GATAD2B: variants seen among roughly 807,000 people sequenced by gnomAD.
The protein encoded by GATAD2B is transcriptional repressor p66-beta.
Under a neutral mutation model 64.3 loss-of-function variants are expected in GATAD2B, and 8 were observed. The ratio of observed to expected loss-of-function variants is 0.12; its 90% confidence interval spans 0.07 to 0.22. The LOEUF is 0.22. GATAD2B is among the 10% of genes least tolerant of loss of function. The pLI is 1.00. For synonymous variants in GATAD2B, 281 were observed against 271.3 expected, an observed-to-expected ratio of 1.04 and a Z score of -0.35; for missense variants, 453 against 752.0, an observed-to-expected ratio of 0.60 and a Z score of 4.65.
chr1:153,910,613 A>C (rs1678086030), intron 1 of GATAD2B, among the ~76,000 whole-genome samples: 1 of 151,856 alleles, frequency 6.6e-6, no homozygotes, highest in Non-Finnish European at 1.5e-5. Flanking sequence ...GGTGGCGAGC[A>C]CCTGTAATTC....
chr1:153,849,322 C>T (rs1675804861), intron 1 of GATAD2B, among the ~76,000 whole-genome samples: 1 of 152,162 alleles, frequency 6.6e-6, no homozygotes, highest in Admixed American at 6.5e-5. Flanking sequence ...TTAATCCCAC[C>T]CATGAGGGTA....
At chr1:153,820,928 G>A (rs917145668) in intron 2 of GATAD2B, among the ~76,000 whole-genome samples, 1 of 146,784 alleles carries the variant, frequency 6.8e-6, no homozygotes, top group Non-Finnish European at 1.5e-5. Flanking sequence ...ATCGCTAGCT[G>A]TCCACTTCTC....
At chr1:153,847,783 ATC>A (rs1400237856) in intron 1 of GATAD2B, among the ~76,000 whole-genome samples, 8 of 151,800 alleles carry the variant, frequency 5.3e-5, no homozygotes, top group African/African-American at 1.5e-4. Context: ...TCCATGTCTC[ATC>A]TCTTTTTTTC....
In GATAD2B at chr1:153,909,983, C is replaced by T. The variant is rs544773542; in HGVS notation, c.-2+12750G>A. Among the ~76,000 whole-genome samples, 4 of 149,644 alleles carry T rather than the reference C, an allele frequency of 2.7e-5. No individual in the cohort carries two copies. In the South Asian group the frequency reaches 8.4e-4, roughly 32 times the overall value. ...AAAAAAAATTAGCTGGGCATGGTGG[C>T]GCATGCCTGTAGTTCCAGCCACTCA... On this transcript the variant is annotated intron_variant, in intron 1 of 10. Coordinates refer to ENST00000368655, the MANE Select transcript of GATAD2B (RefSeq NM_020699.4).
At chr1:153,864,894 C>A (rs1482536371) in intron 1 of GATAD2B, among the ~76,000 whole-genome samples, 1 of 151,682 alleles carries the variant, frequency 6.6e-6, no homozygotes, top group Non-Finnish European at 1.5e-5. Context: ...CATAGTGAAA[C>A]CCTGTCTCCA....
chr1:153,901,856 T>TAAA (rs59672637), intron 1 of GATAD2B, among the ~76,000 whole-genome samples: 44,028 of 142,134 alleles, frequency 0.31, 7,248 homozygotes, highest in Admixed American at 0.4. Flanking sequence ...AATAAATAAA[T>TAAA]TAAATAAAAT....
At chr1:153,883,225 C>CA (rs1677062236) in intron 1 of GATAD2B, among the ~76,000 whole-genome samples, 1 of 152,098 alleles carries the variant, frequency 6.6e-6, no homozygotes, top group Non-Finnish European at 1.5e-5. Context: ...TCACCCTACG[C>CA]AAAAATATTA....
At chr1:153,849,500 C>G (rs1197947378) in intron 1 of GATAD2B, among the ~76,000 whole-genome samples, 1 of 152,216 alleles carries the variant, frequency 6.6e-6, no homozygotes, top group Non-Finnish European at 1.5e-5. Flanking sequence ...CCTACTGTTA[C>G]ACATCTTAGC....
chr1:153,840,985 C>G (rs1249781367), intron 1 of GATAD2B, among the ~76,000 whole-genome samples: 4 of 151,756 alleles, frequency 2.6e-5, no homozygotes, highest in African/African-American at 9.7e-5. Flanking sequence ...GTTAGCCGGG[C>G]GTGGTGGCAT....
intron 1 of GATAD2B, among the ~76,000 whole-genome samples, chr1:153,842,366 G>A (rs1675526759): frequency 6.6e-6 from 1 of 152,028 alleles, no homozygotes; most frequent in African/African-American, 2.4e-5. Flanking sequence ...ATGTATTTTA[G>A]ATACTAGTTG....
At chr1:153,915,967 C>T (rs563465567) in intron 1 of GATAD2B, among the ~76,000 whole-genome samples, 46 of 152,022 alleles carry the variant, frequency 3.0e-4, no homozygotes, top group African/African-American at 1.1e-3. Context: ...TTTGAAGGCA[C>T]GATGATAGAG....
At chr1:153,826,804 G>C (rs1166624337) in intron 2 of GATAD2B, among the ~76,000 whole-genome samples, 1 of 151,882 alleles carries the variant, frequency 6.6e-6, no homozygotes, top group African/African-American at 2.4e-5. Context: ...AGCTGGGTGT[G>C]ATGATGCACA....
At chr1:153,851,117 C>G (rs1165816208) in intron 1 of GATAD2B, among the ~76,000 whole-genome samples, 3 of 151,982 alleles carry the variant, frequency 2.0e-5, no homozygotes, top group Admixed American at 6.6e-5. Flanking sequence ...TTTCTCCTCC[C>G]CCTCAGCCTT....
intron 1 of GATAD2B, among the ~76,000 whole-genome samples, chr1:153,884,589 T>C (rs991963234): frequency 6.6e-6 from 1 of 151,972 alleles, no homozygotes; most frequent in Non-Finnish European, 1.5e-5. Flanking sequence ...GGGACAAGAG[T>C]GAGACTTCAT....
At chr1:153,817,142 T>C (rs1024910208) in intron 6 of GATAD2B, among the ~76,000 whole-genome samples, 3 of 152,230 alleles carry the variant, frequency 2.0e-5, no homozygotes, top group Non-Finnish European at 4.4e-5. Context: ...TAGGCAGATT[T>C]TTAGCTTACT....
chr1:153,918,615 C>T (rs1469271311), intron 1 of GATAD2B, among the ~76,000 whole-genome samples: 2 of 152,076 alleles, frequency 1.3e-5, no homozygotes, highest in Admixed American at 6.6e-5. Flanking sequence ...ATTTAAAGTA[C>T]GACTCTCAGC....
At chr1:153,898,651 C>A (rs1426452757) in intron 1 of GATAD2B, among the ~76,000 whole-genome samples, 2 of 152,128 alleles carry the variant, frequency 1.3e-5, no homozygotes, top group Non-Finnish European at 2.9e-5. Context: ...ACAAAGATAA[C>A]CTTCCTACTC....
At chr1:153,895,609 G>GA (rs1677564564) in intron 1 of GATAD2B, among the ~76,000 whole-genome samples, 1 of 151,480 alleles carries the variant, frequency 6.6e-6, no homozygotes, top group Admixed American at 6.6e-5. Context: ...AAAAAAAGAA[G>GA]AAAAAATAAA....
chr1:153,859,907 C>CTTTTTTTT (rs34557576), intron 1 of GATAD2B, among the ~76,000 whole-genome samples: 13 of 60,882 alleles, frequency 2.1e-4, no homozygotes, highest in East Asian at 4.9e-4. Context: ...CTTTTCTTTT[C>CTTTTTTTT]TTTTTTTTTT....
Sources: allele counts gnomAD v4.1 joint callset (sites outside exome capture counted in the v4.1 genomes callset), GRCh38; gene constraint gnomAD v4.1.1; transcripts MANE v1.5; gene names NCBI Gene and HGNC (gene_info 2026-07-23, HGNC 2026-07-21).